FAM53B: variants seen among roughly 807,000 people sequenced by gnomAD.
FAM53B encodes protein FAM53B.
FAM53B carries 12 observed loss-of-function variants against 32.7 expected under a neutral mutation model. The observed-to-expected ratio is 0.37, with a 90% confidence interval of 0.24 to 0.59. The LOEUF is 0.59. Among genes scored for constraint, FAM53B ranks in the 20% least tolerant of loss-of-function variants. The probability of loss-of-function intolerance (pLI) is 0.72; values close to 1 mark genes in which losing one functional copy is unlikely to be tolerated. For missense variants in FAM53B, 477 were observed against 577.7 expected, an observed-to-expected ratio of 0.83 and a Z score of 1.79; for synonymous variants, 234 against 228.7, an observed-to-expected ratio of 1.02 and a Z score of -0.21.
chr10:124,637,513 G>A (rs1949441230), intron 4 of FAM53B, among the ~76,000 whole-genome samples: 2 of 151,936 alleles, frequency 1.3e-5, no homozygotes. Context: ...CTGTACTGCT[G>A]ACCACCCTAA....
Position 124,681,739 on chromosome 10 carries a change from T to G in FAM53B, c.774A>C (p.Arg258Ser). 1 of 1,609,984 alleles carries G rather than the reference T, an allele frequency of 6.2e-7. No homozygotes were observed. Among genetic ancestry groups the G allele is most frequent in the South Asian group, 1.1e-5 (1 of 90,280 alleles). ...GGCTGCGGGAAAGGCCGCTGGAGCG[T>G]CTCGCCAGCTCTGGTGTTGAGGCAG... ...STPASTPELA[R>S]RSSGLSRSRS... Residue 258 changes from arginine (R) to serine (S), a missense_variant, in exon 4 of 5, where the codon AGA becomes AGC. Arg to Ser is a moderately radical substitution (Grantham distance 110). Coordinates refer to ENST00000337318, the MANE Select transcript of FAM53B (RefSeq NM_014661.4).
In FAM53B at chr10:124,668,659, T is replaced by A. The variant is rs1589744575; in HGVS notation, c.906+12948A>T. ...GGGTGCTCTCCTTGTCTCATCTTCC[T>A]AGGGAGGCACAAGAGCAAAGAGGCA... is the stretch of plus-strand genomic sequence containing the variant. On this transcript the variant is annotated intron_variant, in intron 4 of 4. Transcript: ENST00000337318. Among the ~76,000 whole-genome samples the A allele has an allele frequency of 2.0e-5, 3 of 152,266 alleles. No homozygotes were observed. The South Asian group carries it at 6.2e-4, about 32-fold the overall frequency.
chr10:124,666,313 C>G (rs1665920050), intron 4 of FAM53B, among the ~76,000 whole-genome samples: 1 of 152,264 alleles, frequency 6.6e-6, no homozygotes, highest in Admixed American at 6.5e-5. Flanking sequence ...TCCAAGGCCA[C>G]CTCTGCCACA....
At chr10:124,714,903 A>G (rs953382218) in intron 1 of FAM53B, among the ~76,000 whole-genome samples, 5 of 152,236 alleles carry the variant, frequency 3.3e-5, no homozygotes, top group Admixed American at 3.3e-4. Flanking sequence ...GCTTACTGCA[A>G]CCTCAGAGTA....
chr10:124,626,157 G>C (rs1949348163), intron 4 of FAM53B, among the ~76,000 whole-genome samples: 1 of 152,252 alleles, frequency 6.6e-6, no homozygotes. Flanking sequence ...CCTGGGGCGT[G>C]GCCTGCTGCG....
intron 4 of FAM53B, among the ~76,000 whole-genome samples, chr10:124,634,787 G>A (rs1046625760): frequency 5.3e-5 from 8 of 152,180 alleles, no homozygotes; most frequent in African/African-American, 9.7e-5. Flanking sequence ...TGAAGGGGAC[G>A]GGGAGTGACT....
intron 1 of FAM53B, among the ~76,000 whole-genome samples, chr10:124,709,271 G>T (rs1171087716): frequency 6.6e-6 from 1 of 152,250 alleles, no homozygotes; most frequent in East Asian, 1.9e-4. Flanking sequence ...GTGGAAGTCT[G>T]TCGCCATGGG....
rs549470597 is a variant in FAM53B at position 124,658,733 on chromosome 10, A to G, written c.906+22874T>C. On this transcript the variant is annotated intron_variant, in intron 4 of 4. Transcript: ENST00000337318. ...CTTCACCCCGGCAACCCAGGCCACA[A>G]CTGCAGTGCAGTGAGCTAAAGGGCC... is the stretch of plus-strand genomic sequence containing the variant. 5.3e-5 allele frequency among the ~76,000 whole-genome samples: 8 copies of G among 152,318 alleles called. No homozygotes were observed. In the South Asian group the frequency reaches 1.4e-3, roughly 28 times the overall value.
chr10:124,633,987 C>A (rs560927780), intron 4 of FAM53B, among the ~76,000 whole-genome samples: 8 of 152,324 alleles, frequency 5.3e-5, no homozygotes, highest in African/African-American at 1.9e-4. Flanking sequence ...ATGGTACAGT[C>A]GTTGCGGAGA....
chr10:124,645,113 G>A (rs192316867), intron 4 of FAM53B, among the ~76,000 whole-genome samples: 80 of 152,344 alleles, frequency 5.3e-4, no homozygotes, highest in African/African-American at 1.9e-3. Context: ...GGGTACCTGT[G>A]GCCACAAGGA....
At chr10:124,741,426 T>C (rs1950198710) in intron 1 of FAM53B, among the ~76,000 whole-genome samples, 1 of 152,166 alleles carries the variant, frequency 6.6e-6, no homozygotes, top group South Asian at 2.1e-4. Flanking sequence ...CATCGAGCGG[T>C]GGGTGAGAAG....
intron 4 of FAM53B, among the ~76,000 whole-genome samples, chr10:124,658,836 C>G (rs3781457): frequency 0.051 from 7,817 of 152,304 alleles, 249 homozygotes; most frequent in East Asian, 0.12. Context: ...CAAAGCTTCT[C>G]CAGCCTGCTG....
chr10:124,705,331 G>A (rs976877804), intron 2 of FAM53B, among the ~76,000 whole-genome samples: 6 of 152,300 alleles, frequency 3.9e-5, no homozygotes, highest in East Asian at 1.9e-4. Context: ...AGCCAGTGAG[G>A]CAGTTACTGC....
rs554197207 is a variant in FAM53B at position 124,732,024 on chromosome 10, G to A, written c.-175+11989C>T. 1.2e-3 allele frequency among the ~76,000 whole-genome samples: 183 copies of A among 152,288 alleles called. 1 individual carries two copies. Among genetic ancestry groups the A allele is most frequent in the African/African-American group, 4.0e-3 (166 of 41,558 alleles). On this transcript the variant is annotated intron_variant, in intron 1 of 4. Transcript: ENST00000337318. ...CCATGTCTGCCAGGATCAGCCCTGA[G>A]CAGAGGAGAGGGCAACCTGGGATTG... is the stretch of plus-strand genomic sequence containing the variant.
At chr10:124,645,915 C>T (rs1266795755) in intron 4 of FAM53B, among the ~76,000 whole-genome samples, 2 of 152,238 alleles carry the variant, frequency 1.3e-5, no homozygotes, top group Non-Finnish European at 2.9e-5. Context: ...CTCCACCCCA[C>T]ACTGCATGGC....
intron 1 of FAM53B, among the ~76,000 whole-genome samples, chr10:124,735,918 T>C (rs1413792139): frequency 6.6e-6 from 1 of 152,252 alleles, no homozygotes. Context: ...ATTCCAAAGC[T>C]GAATGCTACT....
At chr10:124,693,985 T>C (rs553964284) in intron 3 of FAM53B, among the ~76,000 whole-genome samples, 2 of 152,202 alleles carry the variant, frequency 1.3e-5, no homozygotes, top group African/African-American at 4.8e-5. Flanking sequence ...AACACGTCAG[T>C]GATGCACAGC....
intron 1 of FAM53B, among the ~76,000 whole-genome samples, chr10:124,724,308 C>T (rs1398562953): frequency 6.6e-6 from 1 of 152,088 alleles, no homozygotes; most frequent in African/African-American, 2.4e-5. Flanking sequence ...AGTGGAGGGC[C>T]CCTTCCCAGC....
At chr10:124,742,795 C>T (rs1950207202) in intron 1 of FAM53B, 1 of 152,302 alleles carries the variant, frequency 6.6e-6, no homozygotes, top group South Asian at 2.1e-4. Flanking sequence ...CAAATGCCCA[C>T]CCCAGGATCC....
Sources: allele counts gnomAD v4.1 joint callset (sites outside exome capture counted in the v4.1 genomes callset), GRCh38; gene constraint gnomAD v4.1.1; transcripts MANE v1.5; gene names NCBI Gene and HGNC (gene_info 2026-07-23, HGNC 2026-07-21).